Variants in LAMA5 observed in about 807,000 individuals in gnomAD.
The protein encoded by LAMA5 is laminin subunit alpha-5.
LAMA5 carries 260 observed loss-of-function variants against 433.4 expected under a neutral mutation model. That is an observed-to-expected ratio of 0.60 (90% confidence interval 0.54 to 0.66). The LOEUF is 0.66. Ranked by LOEUF, LAMA5 falls within the 30% of genes least tolerant of loss-of-function variation. The pLI is 0.00. For missense variants in LAMA5, 5,378 were observed against 5,258.5 expected, an observed-to-expected ratio of 1.02 and a Z score of -0.70; for synonymous variants, 2,620 against 2,226.6, an observed-to-expected ratio of 1.18 and a Z score of -4.97.
intron 57 of LAMA5, 40 bp from the exon 58 acceptor site, chr20:62,316,098 C>G: frequency 1.4e-6 from 2 of 1,435,996 alleles, no homozygotes; most frequent in Non-Finnish European, 1.9e-6. Flanking sequence ...CAGCTTCACC[C>G]CCAGTATACA....
chr20:62,321,272 T>G (rs1601314402), intron 48 of LAMA5, among the ~76,000 whole-genome samples: 1 of 25,480 alleles, frequency 3.9e-5, no homozygotes, highest in Non-Finnish European at 7.4e-5. Flanking sequence ...GCAGGGTCAG[T>G]GAAGGGGTGG....
chr20:62,327,716 T>C, intron 36 of LAMA5, 47 bp from the exon 37 acceptor site: 1 of 1,600,716 alleles, frequency 6.2e-7, no homozygotes, highest in Non-Finnish European at 8.5e-7. Flanking sequence ...GCCAGGTGCC[T>C]GACCCCGGGT....
intron 1 of LAMA5, among the ~76,000 whole-genome samples, chr20:62,365,230 G>C (rs938110781): frequency 2.6e-5 from 4 of 152,208 alleles, no homozygotes; most frequent in Admixed American, 1.3e-4. Flanking sequence ...CTGAGGCATG[G>C]AGCACCACAG....
chr20:62,364,289 G>A (rs1010071849), intron 1 of LAMA5, among the ~76,000 whole-genome samples: 1 of 152,168 alleles, frequency 6.6e-6, no homozygotes, highest in Non-Finnish European at 1.5e-5. Flanking sequence ...AGGTGTGGGC[G>A]GCGCCCTCTG....
rs1386101226 is a variant in LAMA5, at chr20:62,309,473, G to A, written c.10951C>T (p.Pro3651Ser). 9.5e-6 allele frequency: 15 copies of A among 1,576,416 alleles called. No individual in the cohort carries two copies. Among genetic ancestry groups the A allele is most frequent in the Non-Finnish European group, 1.3e-5 (15 of 1,170,230 alleles). ...GGGGGCCAGGGCTGCACGGCCATGG[G>A]CTCTGGGGGCACAGGGAAGATGGAA... ...APLYLGGLPE[P>S]MAVQPWPPAY... Residue 3651 changes from proline (P) to serine (S), a missense_variant and splice_region_variant, in exon 80 of 80, where the codon CCC becomes TCC. Physicochemically the swap from Pro to Ser is moderately conservative, Grantham distance 74 (BLOSUM62 -1). Transcript: ENST00000252999.
Position 62,334,201 on chromosome 20 carries a change from C to G in LAMA5, c.2724G>C (p.Gln908His). ...FENFSWRGYA[Q>H]MAPVQPRIVA... The stretch of plus-strand genomic sequence containing the variant: ...CAGCGCCCACCTGGACAGGTGCCAT[C>G]TGCGCGTAGCCCCTCCAGCTGAAGT... The change falls in exon 22 of 80, where the codon CAG becomes CAC. Residue 908 changes from glutamine to histidine, a missense_variant. Gln to His is a conservative substitution (Grantham distance 24). Transcript: ENST00000252999. The G allele has an allele frequency of 6.2e-7, 1 of 1,612,744 alleles. No homozygotes were observed.
rs1166963006 is a variant in LAMA5, at chr20:62,311,087, G to A, written c.10096C>T (p.Leu3366Phe). The A allele has an allele frequency of 6.3e-6, 10 of 1,578,224 alleles. No individual in the cohort carries two copies. The highest frequency in any genetic ancestry group is 8.6e-6 in the Non-Finnish European group (10 of 1,160,522). The part of the protein sequence containing the change: ...ILARHRNWPS[L>F]SMHVLPRSSR... ...CTTCGCGGGAGGACGTGCATGGAGA[G>A]ACTGGGCCTGGAAGCGGAGCTGGCG... Residue 3366 changes from leucine to phenylalanine, a missense_variant, in exon 74 of 80, where the codon CTC becomes TTC. Transcript: ENST00000252999.
chr20:62,353,491 C>T (rs934724694), intron 2 of LAMA5, among the ~76,000 whole-genome samples: 1 of 152,196 alleles, frequency 6.6e-6, no homozygotes, highest in Non-Finnish European at 1.5e-5. Flanking sequence ...CGCCTGGGCT[C>T]GGGACCAACG....
intron 51 of LAMA5, 122 bp from the exon 52 acceptor site, chr20:62,319,135 G>GCGCA (rs1216510063): frequency 9.3e-7 from 1 of 1,077,098 alleles, no homozygotes; most frequent in Non-Finnish European, 1.3e-6. Flanking sequence ...CGGAACCTGA[G>GCGCA]CGCACCTGGG....
At position 62,324,298 on chromosome 20, in the gene LAMA5, C is replaced by A. The variant is rs1245815561; in HGVS notation, c.5644-94G>T. On this transcript the variant is annotated intron_variant, in intron 42 of 79. Coordinates refer to ENST00000252999, the MANE Select transcript of LAMA5 (RefSeq NM_005560.6). The surrounding 1 kb of genome is among the most constrained non-coding windows in gnomAD (Gnocchi z 4.4). Reference sequence around the variant, plus strand: ...CACCACCCCTGCCTCAGACTCTGTGCCCAAGGCCAGATGGTCCCCCACTGG... The same window carrying A: ...CACCACCCCTGCCTCAGACTCTGTGACCAAGGCCAGATGGTCCCCCACTGG... 9.2e-6 allele frequency: 14 copies of A among 1,513,558 alleles called. No individual in the cohort carries two copies. In the East Asian group the frequency reaches 3.3e-4, roughly 35 times the overall value. 93.8% of individuals were successfully genotyped at this position (1,513,558 alleles called of 1,614,324 possible).
rs1978979267 is a variant in LAMA5 at position 62,324,877 on chromosome 20, T to G, written c.5530-323A>C. 7.3e-6 allele frequency: 3 copies of G among 412,776 alleles called. No individual in the cohort carries two copies. The highest frequency in any genetic ancestry group is 1.3e-5 in the Non-Finnish European group (3 of 223,206). The allele number at this position is 412,776 out of a possible 1,614,324, so 25.6% of individuals were successfully genotyped here. On this transcript the variant is annotated intron_variant, in intron 41 of 79. Transcript: ENST00000252999. This position sits in a 1 kb window ranked among gnomAD's most constrained non-coding sequence, Gnocchi z 4.4. ...CTCTTTCCACTCCTTCTAGGAGGTA[T>G]TCAACCACAAACCTCCTCATACAGA...
At position 62,332,733 on chromosome 20, in the gene LAMA5, G is replaced by C. The variant is rs531647880; in HGVS notation, c.3283-16C>G. 6.2e-7 allele frequency: 1 copy of C among 1,607,406 alleles called. No individual in the cohort carries two copies. Among genetic ancestry groups the C allele is most frequent in the East Asian group, 2.2e-5 (1 of 44,788 alleles). On this transcript the variant is annotated splice_polypyrimidine_tract_variant and intron_variant, in intron 26 of 79. Coordinates refer to ENST00000252999, the MANE Select transcript of LAMA5 (RefSeq NM_005560.6). ...GGACGTCCACCTGCAGGGAAGGCAG[G>C]GTGACGGGAGGCCCGCCACCCCTCG...
chr20:62,332,861 G>C, intron 26 of LAMA5, 144 bp from the exon 27 acceptor site: 1 of 1,125,120 alleles, frequency 8.9e-7, no homozygotes, highest in Non-Finnish European at 1.2e-6. Flanking sequence ...GGCAAGTGGT[G>C]GGGGCTGAGC....
Position 62,325,542 on chromosome 20 carries a change from T to A in LAMA5, c.5303A>T (p.Asn1768Ile), listed in dbSNP as rs756544765. ...GTTGCGCGTCTCCGTATGCCGGAAG[T>A]TCCCCTGTGGGTCCAGGATGGCACC... ...HRGQLQLVEG[N>I]FRHTETRNTV... The change falls in exon 41 of 80, where the codon AAC becomes ATC. Residue 1768 changes from asparagine to isoleucine, a missense_variant. Coordinates refer to ENST00000252999, the MANE Select transcript of LAMA5 (RefSeq NM_005560.6). 2.9e-5 allele frequency: 46 copies of A among 1,604,764 alleles called. No individual in the cohort carries two copies. The highest frequency in any genetic ancestry group is 3.9e-5 in the Non-Finnish European group (46 of 1,174,628).
rs1232266884 is a variant in LAMA5 at position 62,318,834 on chromosome 20, A to G, written c.7042+9T>C. The G allele has an allele frequency of 6.2e-7, 1 of 1,609,688 alleles. No homozygotes were observed. Among genetic ancestry groups the G allele is most frequent in the Admixed American group, 1.7e-5 (1 of 59,836 alleles). ...CCCCACCCCGCCTGCCAGGGACAAC[A>G]CCACTCACATCTCTGTGCTGCAGCC... On this transcript the variant is annotated intron_variant, in intron 52 of 79. Transcript: ENST00000252999.
At chr20:62,344,131 C>T (rs1340749098) in intron 11 of LAMA5, among the ~76,000 whole-genome samples, 6 of 114,258 alleles carry the variant, frequency 5.3e-5, no homozygotes, top group Non-Finnish European at 1.1e-4. Context: ...GTAAAAAGAG[C>T]GAAACTCCAT....
At position 62,333,962 on chromosome 20, in the gene LAMA5, G is replaced by T; in HGVS notation, c.2817C>A (p.Ala939=). The T allele has an allele frequency of 6.2e-7, 1 of 1,612,806 alleles. No individual in the cohort carries two copies. The highest frequency in any genetic ancestry group is 8.5e-7 in the Non-Finnish European group (1 of 1,179,812). Residue 939 remains alanine (A), a synonymous_variant, in exon 23 of 80, where the codon GCC becomes GCA. Coordinates refer to ENST00000252999, the MANE Select transcript of LAMA5 (RefSeq NM_005560.6). ...WLVFRYVNRG[A]MSVSGRVSVR... The stretch of plus-strand genomic sequence containing the variant: ...CAGAGACCCGCCCGCTCACACTCAT[G>T]GCCCCCCGGTTGACGTATCGGAAGA...
Position 62,324,597 on chromosome 20 carries a change from C to T in LAMA5, c.5530-43G>A, listed in dbSNP as rs1978934322. The T allele has an allele frequency of 7.7e-6, 11 of 1,424,568 alleles. No homozygotes were observed. Among genetic ancestry groups the T allele is most frequent in the South Asian group, 2.4e-5 (2 of 83,746 alleles). 88.2% of individuals were successfully genotyped at this position (1,424,568 alleles called of 1,614,324 possible). ...CAGGTGGCATCAGCGATTGAGAGGA[C>T]GAGGGGCCCCACCCTGCAAGCTCAC... On this transcript the variant is annotated intron_variant, in intron 41 of 79. Transcript: ENST00000252999. The surrounding 1 kb of genome is among the most constrained non-coding windows in gnomAD (Gnocchi z 4.4).
intron 52 of LAMA5, 79 bp downstream of exon 52, chr20:62,318,764 A>G: frequency 1.3e-6 from 2 of 1,573,872 alleles, no homozygotes; most frequent in Non-Finnish European, 1.7e-6. Context: ...ACCTGATGCC[A>G]CTCCATGCTG....
Sources: gnomAD v4.1 joint callset for allele counts (sites outside exome capture counted in the v4.1 genomes callset) on GRCh38, gnomAD v4.1.1 for gene constraint, Gnocchi (gnomAD v3.1) non-coding constraint, MANE v1.5 for transcripts, NCBI Gene and HGNC (gene_info 2026-07-23, HGNC 2026-07-21) for gene names.